Variants in CDH1 observed in about 807,000 individuals in gnomAD.
CDH1 encodes cadherin 1.
CDH1 carries 35 observed loss-of-function variants against 84.5 expected under a neutral mutation model. The observed-to-expected ratio is 0.41, with a 90% CI of 0.32 to 0.55. The LOEUF is 0.55. Ranked by LOEUF, CDH1 falls within the 20% of genes least tolerant of loss-of-function variation. The probability of loss-of-function intolerance (pLI) is 0.19; values close to 1 mark genes in which losing one functional copy is unlikely to be tolerated. For synonymous variants in CDH1, 417 were observed against 439.0 expected, an observed-to-expected ratio of 0.95 and a Z score of 0.63; for missense variants, 994 against 1,126.6, an observed-to-expected ratio of 0.88 and a Z score of 1.68.
chr16:68,779,231 G>T (rs1046918706), intron 2 of CDH1, among the ~76,000 whole-genome samples: 4 of 152,194 alleles, frequency 2.6e-5, no homozygotes, highest in Non-Finnish European at 5.9e-5. Context: ...CTTGTCCTGG[G>T]AAAACTGCTC....
At chr16:68,805,045 C>T (rs1378642579) in intron 3 of CDH1, among the ~76,000 whole-genome samples, 1 of 140,386 alleles carries the variant, frequency 7.1e-6, no homozygotes, top group South Asian at 2.2e-4. Context: ...CACTTTGTTG[C>T]GCAGGCTCAA....
At chr16:68,823,191 G>GTTGGTTTAAA (rs1961215334) in intron 12 of CDH1, 1 of 553,786 alleles carries the variant, frequency 1.8e-6, no homozygotes, top group Non-Finnish European at 3.2e-6. Flanking sequence ...CAACTCTAGA[G>GTTGGTTTAAA]CCCTCTCCCA....
chr16:68,818,109 G>A (rs34986130), intron 10 of CDH1, among the ~76,000 whole-genome samples: 10 of 151,246 alleles, frequency 6.6e-5, no homozygotes, highest in Non-Finnish European at 7.4e-5. Context: ...GCGTGGTGGC[G>A]GGTGCCTGTA....
chr16:68,764,739 A>C (rs1447476141), intron 2 of CDH1, among the ~76,000 whole-genome samples: 1 of 152,170 alleles, frequency 6.6e-6, no homozygotes, highest in Non-Finnish European at 1.5e-5. Flanking sequence ...TGGAGGAGGG[A>C]TTCCAGTGTA....
chr16:68,814,403 C>T (rs1397278812), intron 9 of CDH1: 2 of 152,572 alleles, frequency 1.3e-5, no homozygotes, highest in South Asian at 2.1e-4. Context: ...CAAAAATTAA[C>T]TGGGCGTGGT....
At chr16:68,819,662 TTAAG>T (rs1383471937) in intron 11 of CDH1, among the ~76,000 whole-genome samples, 1 of 152,122 alleles carries the variant, frequency 6.6e-6, no homozygotes, top group Non-Finnish European at 1.5e-5. Flanking sequence ...ATTGTACCCA[TTAAG>T]TAATTGTTCA....
At chr16:68,744,004 A>G (rs558268999) in intron 2 of CDH1, among the ~76,000 whole-genome samples, 65 of 152,394 alleles carry the variant, frequency 4.3e-4, no homozygotes, top group African/African-American at 1.6e-3. Flanking sequence ...CGGAACATAC[A>G]TGCCAATGGG....
intron 2 of CDH1, among the ~76,000 whole-genome samples, chr16:68,787,983 GC>G (rs1960108475): frequency 6.6e-6 from 1 of 151,922 alleles, no homozygotes; most frequent in Non-Finnish European, 1.5e-5. Flanking sequence ...GTGCCACCAC[GC>G]CCCGCTAATT....
At chr16:68,741,535 T>G (rs1962562142) in intron 2 of CDH1, among the ~76,000 whole-genome samples, 1 of 152,070 alleles carries the variant, frequency 6.6e-6, no homozygotes, top group South Asian at 2.1e-4. Flanking sequence ...CTCAGGGGAC[T>G]TTGGAGTGTT....
intron 2 of CDH1, among the ~76,000 whole-genome samples, chr16:68,756,726 C>T (rs1210899227): frequency 2.6e-5 from 4 of 152,044 alleles, no homozygotes; most frequent in African/African-American, 7.2e-5. Flanking sequence ...AAAAAGAGGC[C>T]GGGTGCGGTA....
chr16:68,746,598 G>A (rs1962751001), intron 2 of CDH1, among the ~76,000 whole-genome samples: 1 of 152,150 alleles, frequency 6.6e-6, no homozygotes, highest in African/African-American at 2.4e-5. Context: ...GATCAGGGAG[G>A]GATAGGCTGG....
intron 3 of CDH1, among the ~76,000 whole-genome samples, chr16:68,803,645 C>T (rs1422356494): frequency 6.6e-6 from 1 of 152,130 alleles, no homozygotes; most frequent in East Asian, 1.9e-4. Flanking sequence ...ATCTGCCCAC[C>T]TCAGCCTCCC....
At position 68,819,393 on chromosome 16, in the gene CDH1, C is replaced by A. The variant is rs746481984; in HGVS notation, c.1679C>A (p.Thr560Lys). 6.2e-7 allele frequency: 1 copy of A among 1,613,820 alleles called. No homozygotes were observed. ...GATTTTGAGCACGTGAAGAACAGCA[C>A]GTACACAGCCCTAATCATAGCTACA... is the stretch of plus-strand genomic sequence containing the variant. ...REDFEHVKNS[T>K]YTALIIATDN... Residue 560 changes from threonine (T) to lysine (K), a missense_variant, in exon 11 of 16, where the codon ACG (threonine) becomes AAG (lysine). This residue lies in a region of CDH1 where 769 missense variants were observed against 881.8 expected (regional missense o/e 0.87). Transcript: ENST00000261769.
In CDH1 at chr16:68,815,506, G is replaced by A. The variant is rs2152134654; in HGVS notation, c.1321-9G>A. 1 of 1,614,106 alleles carries A rather than the reference G, an allele frequency of 6.2e-7. No individual in the cohort carries two copies. The highest frequency in any genetic ancestry group is 8.5e-7 in the Non-Finnish European group (1 of 1,180,026). On this transcript the variant is annotated splice_polypyrimidine_tract_variant and intron_variant, in intron 9 of 15. Transcript: ENST00000261769. Reference sequence around the variant, plus strand: ...TTTTGTTTTTAACTTCATTGTTTCTGCTCTCTAGGGCTTGGATTTTGAGGC... The same window carrying A: ...TTTTGTTTTTAACTTCATTGTTTCTACTCTCTAGGGCTTGGATTTTGAGGC...
intron 3 of CDH1, among the ~76,000 whole-genome samples, chr16:68,803,703 C>T (rs1396540264): frequency 6.6e-6 from 1 of 152,132 alleles, no homozygotes; most frequent in East Asian, 1.9e-4. Context: ...GCTGCAGGGA[C>T]AGTTTTGAGC....
intron 3 of CDH1, among the ~76,000 whole-genome samples, chr16:68,808,110 C>T (rs1324991838): frequency 6.6e-6 from 1 of 152,224 alleles, no homozygotes; most frequent in East Asian, 1.9e-4. Flanking sequence ...CTTGAAACAG[C>T]TTGTAAATTA....
intron 2 of CDH1, among the ~76,000 whole-genome samples, chr16:68,760,088 T>TATATATA (rs1567482267): frequency 7.9e-5 from 5 of 63,150 alleles, no homozygotes; most frequent in South Asian, 5.0e-4. Flanking sequence ...ATATATATAT[T>TATATATA]TTTTTTTTTT....
In CDH1 at chr16:68,795,878, T is replaced by G. The variant is rs16942908; in HGVS notation, c.164-5792T>G. On this transcript the variant is annotated intron_variant, in intron 2 of 15. Transcript: ENST00000261769. ...CAAATGGTCTTTGAATAAAGCTAAATGCAGGCCGGGTGCGGTGGCTTATGC... is the reference window on the plus strand; with the variant it reads ...CAAATGGTCTTTGAATAAAGCTAAAGGCAGGCCGGGTGCGGTGGCTTATGC... Among the ~76,000 whole-genome samples the G allele has an allele frequency of 6.5e-3, 982 of 151,118 alleles. 10 individuals carry two copies. The highest frequency in any genetic ancestry group is 0.023 in the African/African-American group (949 of 41,326).
rs876660107 is a variant in CDH1 at position 68,823,470 on chromosome 16, A to G, written c.2008A>G (p.Met670Val). Residue 670 changes from methionine to valine, a missense_variant, in exon 13 of 16, where the codon ATG becomes GTG. Transcript: ENST00000261769. ...VGDYKINLKL[M>V]DNQNKDQVTT... The stretch of plus-strand genomic sequence containing the variant: ...TGACTACAAAATCAATCTCAAGCTC[A>G]TGGATAACCAGAATAAAGACCAAGT... 4.3e-6 allele frequency: 7 copies of G among 1,614,056 alleles called. No individual in the cohort carries two copies. The highest frequency in any genetic ancestry group is 5.9e-6 in the Non-Finnish European group (7 of 1,179,966).
Sources: gnomAD v4.1 joint callset for allele counts (sites outside exome capture counted in the v4.1 genomes callset) on GRCh38, gnomAD v4.1.1 for gene constraint, gnomAD v4.1.1 regional missense constraint, MANE v1.5 for transcripts, NCBI Gene and HGNC (gene_info 2026-07-23, HGNC 2026-07-21) for gene names.